Variants in DENND1A observed in about 807,000 individuals in gnomAD.
DENND1A encodes DENN domain containing 1A, also known as DENN domain-containing protein 1A.
A neutral mutation model predicts 113.7 loss-of-function variants in DENND1A; 51 were observed. That is an observed-to-expected ratio of 0.45 (90% CI 0.36 to 0.57). The LOEUF (loss-of-function observed/expected upper bound fraction) is 0.57. Among genes scored for constraint, DENND1A ranks in the 20% least tolerant of loss-of-function variants. DENND1A has a pLI of 0.00. For synonymous variants in DENND1A, 565 were observed against 570.8 expected (o/e 0.99, Z 0.14); for missense variants, 1,258 against 1,395.9 (o/e 0.90, Z 1.57).
intron 15 of DENND1A, 69 bp from the exon 16 acceptor site, chr9:123,454,848 GC>G: frequency 2.3e-6 from 3 of 1,302,694 alleles, no homozygotes; most frequent in Admixed American, 4.9e-5. Flanking sequence ...CCTTAAAATT[GC>G]TTTTTTTTTT....
Position 123,671,355 on chromosome 9 carries a change from TCATTCCA to T in DENND1A, c.382_388del (p.Trp128SerfsTer43). 6.2e-7 allele frequency: 1 copy of T among 1,613,918 alleles called. No individual in the cohort carries two copies. The highest frequency in any genetic ancestry group is 8.5e-7 in the Non-Finnish European group (1 of 1,179,962). On this transcript the variant is annotated frameshift_variant, in exon 7 of 24. Transcript: ENST00000394215. LOFTEE classifies it high-confidence loss of function. Reference sequence around the variant, plus strand: ...AAGTTTGTGCAGAGTTTCAAGAAGCTCATTCCACTGATTTTCCTGAAAGAAATAAAAG... The same window carrying T: ...AAGTTTGTGCAGAGTTTCAAGAAGCTCTGATTTTCCTGAAAGAAATAAAAG...
intron 11 of DENND1A, among the ~76,000 whole-genome samples, chr9:123,588,354 C>T (rs890633297): frequency 1.3e-5 from 2 of 150,580 alleles, no homozygotes; most frequent in Non-Finnish European, 2.9e-5. Flanking sequence ...CACGATGGCT[C>T]ACGCTTGTAA....
intron 1 of DENND1A, among the ~76,000 whole-genome samples, chr9:123,881,038 T>C (rs946409917): frequency 1.5e-4 from 23 of 152,230 alleles, no homozygotes; most frequent in African/African-American, 5.5e-4. Context: ...TCGTCATTTC[T>C]CCCCCAGAGA....
intron 13 of DENND1A, among the ~76,000 whole-genome samples, chr9:123,553,804 C>T (rs1455251452): frequency 6.6e-6 from 1 of 152,132 alleles, no homozygotes; most frequent in East Asian, 1.9e-4. Flanking sequence ...TGTCACCAGG[C>T]TGGAGTACAG....
intron 13 of DENND1A, among the ~76,000 whole-genome samples, chr9:123,552,188 G>C (rs1360949834): frequency 6.6e-6 from 1 of 152,130 alleles, no homozygotes; most frequent in Non-Finnish European, 1.5e-5. Context: ...CCTCCTTACA[G>C]AGCCAGGCAG....
intron 9 of DENND1A, among the ~76,000 whole-genome samples, chr9:123,646,186 G>A (rs1327100958): frequency 6.6e-6 from 1 of 152,162 alleles, no homozygotes; most frequent in Non-Finnish European, 1.5e-5. Flanking sequence ...TGAGAGCTAT[G>A]CAAGTATTAA....
chr9:123,646,594 C>T (rs929727959), intron 9 of DENND1A, among the ~76,000 whole-genome samples: 1 of 152,082 alleles, frequency 6.6e-6, no homozygotes, highest in African/African-American at 2.4e-5. Context: ...CTACCTAAAA[C>T]TGCAATCCCT....
At chr9:123,634,675 TCTCA>T (rs2061625156) in intron 9 of DENND1A, among the ~76,000 whole-genome samples, 1 of 152,222 alleles carries the variant, frequency 6.6e-6, no homozygotes. Context: ...TCTATCAAAA[TCTCA>T]CTCAGTGAGA....
At chr9:123,848,237 A>C (rs1263260398) in intron 2 of DENND1A, among the ~76,000 whole-genome samples, 1 of 131,298 alleles carries the variant, frequency 7.6e-6, no homozygotes, top group Admixed American at 7.5e-5. Flanking sequence ...TTAAAAAAAA[A>C]AAAAAAAAAA....
chr9:123,891,442 C>A (rs1228183933), intron 1 of DENND1A, among the ~76,000 whole-genome samples: 1 of 152,146 alleles, frequency 6.6e-6, no homozygotes, highest in Non-Finnish European at 1.5e-5. Flanking sequence ...GGAAATAAAG[C>A]CCAGGTATCT....
intron 9 of DENND1A, among the ~76,000 whole-genome samples, chr9:123,637,947 ACACG>A (rs1299033206): frequency 5.2e-5 from 1 of 19,162 alleles, no homozygotes; most frequent in East Asian, 3.3e-3. Context: ...ACACACACAC[ACACG>A]CGCACACACA....
Position 123,384,001 on chromosome 9 carries a change from G to C in DENND1A, c.1761-88C>G, listed in dbSNP as rs878907093. On this transcript the variant is annotated intron_variant, in intron 22 of 23. Transcript: ENST00000394215. ...TCCAGCCCAAGCACATTGAGGGCTT[G>C]AGGGGTGCACGCAGGGGCCTGCGGG... 4 of 1,528,382 alleles carry C rather than the reference G, an allele frequency of 2.6e-6. No individual in the cohort carries two copies. In the South Asian group the frequency reaches 3.7e-5, roughly 14 times the overall value. 94.7% of individuals were successfully genotyped at this position (1,528,382 alleles called of 1,614,324 possible). A position where few individuals can be genotyped will look rare whatever the true frequency, so the allele number is the denominator to read the frequency against.
chr9:123,631,824 A>G (rs2061487979), intron 9 of DENND1A, among the ~76,000 whole-genome samples: 1 of 152,250 alleles, frequency 6.6e-6, no homozygotes, highest in Admixed American at 6.5e-5. Context: ...TTTAGGAAAC[A>G]AAGATACTAC....
At chr9:123,726,231 C>A (rs757723865) in intron 5 of DENND1A, among the ~76,000 whole-genome samples, 5 of 152,180 alleles carry the variant, frequency 3.3e-5, no homozygotes, top group Non-Finnish European at 7.3e-5. Flanking sequence ...ACATGTATTT[C>A]ATTTTCAGAA....
intron 2 of DENND1A, among the ~76,000 whole-genome samples, chr9:123,868,680 CAAG>C (rs1241141333): frequency 2.0e-5 from 3 of 152,300 alleles, no homozygotes; most frequent in Non-Finnish European, 2.9e-5. Context: ...ACTAACACAG[CAAG>C]AAGAACCACA....
Position 123,629,476 on chromosome 9 carries a change from A to G in DENND1A, c.719+900T>C, listed in dbSNP as rs546716740. Reference sequence around the variant, plus strand: ...TTGAAGACAGATAGTGAGGACGATGATGTGTCTGCGGAAACATTTTCTGAG... The same window carrying G: ...TTGAAGACAGATAGTGAGGACGATGGTGTGTCTGCGGAAACATTTTCTGAG... On this transcript the variant is annotated intron_variant, in intron 10 of 23. Transcript: ENST00000394215. 5.9e-5 allele frequency among the ~76,000 whole-genome samples: 9 copies of G among 152,330 alleles called. No individual in the cohort carries two copies. In the South Asian group the frequency reaches 1.9e-3, roughly 32 times the overall value.
chr9:123,860,944 A>G (rs1844972641), intron 2 of DENND1A, among the ~76,000 whole-genome samples: 1 of 152,244 alleles, frequency 6.6e-6, no homozygotes. Context: ...AATCTTTAGT[A>G]AAGGCTGCAA....
chr9:123,425,934 C>T (rs1449702974), intron 19 of DENND1A, among the ~76,000 whole-genome samples: 1 of 152,212 alleles, frequency 6.6e-6, no homozygotes, highest in African/African-American at 2.4e-5. Flanking sequence ...CCCTGGGTCC[C>T]CCAGTGCAGA....
At chr9:123,618,801 T>C (rs2060788543) in intron 10 of DENND1A, among the ~76,000 whole-genome samples, 1 of 152,224 alleles carries the variant, frequency 6.6e-6, no homozygotes, top group African/African-American at 2.4e-5. Context: ...TGTCCCGCTA[T>C]ACTCCTGACA....
Sources: gnomAD v4.1 joint callset for allele counts (sites outside exome capture counted in the v4.1 genomes callset) on GRCh38, gnomAD v4.1.1 for gene constraint, MANE v1.5 for transcripts, NCBI Gene and HGNC (gene_info 2026-07-23, HGNC 2026-07-21) for gene names.